Variants in THSD7A observed in about 807,000 individuals in gnomAD.
The protein encoded by THSD7A is thrombospondin type-1 domain-containing protein 7A.
Under a neutral mutation model 231.3 loss-of-function variants are expected in THSD7A, and 96 were observed. That is an observed-to-expected ratio of 0.41 (90% CI 0.35 to 0.49). The LOEUF (loss-of-function observed/expected upper bound fraction) is 0.49, where lower values mean the gene tolerates loss of function less well. Ranked by LOEUF, THSD7A falls within the 20% of genes least tolerant of loss-of-function variation. The pLI is 0.05. For missense variants in THSD7A, 2,290 were observed against 2,070.2 expected (o/e 1.11, Z -2.06); for synonymous variants, 940 against 743.3 (o/e 1.26, Z -4.30).
intron 6 of THSD7A, among the ~76,000 whole-genome samples, chr7:11,497,653 T>C (rs915958469): frequency 2.0e-5 from 3 of 152,182 alleles, no homozygotes; most frequent in Non-Finnish European, 2.9e-5. Flanking sequence ...GAATAACTGT[T>C]GACTAGTAGC....
intron 4 of THSD7A, among the ~76,000 whole-genome samples, chr7:11,561,112 C>T (rs1196506252): frequency 1.3e-5 from 2 of 152,136 alleles, no homozygotes; most frequent in Non-Finnish European, 2.9e-5. Flanking sequence ...AGCAGTCTGG[C>T]TCCATAGTCT....
chr7:11,566,541 A>C (rs994389549), intron 4 of THSD7A, among the ~76,000 whole-genome samples: 2 of 152,220 alleles, frequency 1.3e-5, no homozygotes, highest in African/African-American at 4.8e-5. Context: ...GTACCATGGT[A>C]CTACATGCAT....
At chr7:11,735,472 C>G (rs1781884561) in intron 1 of THSD7A, among the ~76,000 whole-genome samples, 1 of 151,834 alleles carries the variant, frequency 6.6e-6, no homozygotes, top group Admixed American at 6.6e-5. Flanking sequence ...ATAAAATTAC[C>G]TTCAGGCTAT....
chr7:11,402,964 T>C (rs1244400017), intron 22 of THSD7A, among the ~76,000 whole-genome samples: 2 of 152,202 alleles, frequency 1.3e-5, no homozygotes, highest in Admixed American at 1.3e-4. Flanking sequence ...CTGTTGGGTA[T>C]GTACCTAGGA....
At chr7:11,376,783 T>C in intron 26 of THSD7A, 126 bp from the exon 27 acceptor site, 1 of 539,542 alleles carries the variant, frequency 1.9e-6, no homozygotes, top group Non-Finnish European at 3.2e-6. Flanking sequence ...AATTATTGCT[T>C]CAGCACAGTT....
At chr7:11,783,656 T>C (rs1783700307) in intron 1 of THSD7A, among the ~76,000 whole-genome samples, 2 of 152,074 alleles carry the variant, frequency 1.3e-5, no homozygotes, top group African/African-American at 4.8e-5. Flanking sequence ...CTCAGGTAAA[T>C]ATAGATTTGG....
chr7:11,639,090 C>T (rs2128362239), intron 1 of THSD7A, among the ~76,000 whole-genome samples: 1 of 152,204 alleles, frequency 6.6e-6, no homozygotes, highest in East Asian at 1.9e-4. Flanking sequence ...TTATATCAGA[C>T]TCTCAAATTA....
Position 11,781,035 on chromosome 7 carries a change from A to T in THSD7A, c.190+50722T>A, listed in dbSNP as rs867320880. On this transcript the variant is annotated intron_variant, in intron 1 of 27. Coordinates refer to ENST00000423059, the MANE Select transcript of THSD7A (RefSeq NM_015204.3). ...AAAAAAAAAAAAAAAAAAAAAAAAA[A>T]AAATTTATAGGGAGAATTATGAAGC... 6.2e-3 allele frequency among the ~76,000 whole-genome samples: 831 copies of T among 133,724 alleles called. 2 individuals are homozygous for T. Among genetic ancestry groups the T allele is most frequent in the Middle Eastern group, 0.034 (8 of 236 alleles). The allele number at this position is 133,724 out of a possible 152,430, so 87.7% of individuals were successfully genotyped here.
intron 10 of THSD7A, among the ~76,000 whole-genome samples, chr7:11,461,279 T>C (rs1785496138): frequency 6.6e-6 from 1 of 152,322 alleles, no homozygotes; most frequent in East Asian, 1.9e-4. Context: ...AAGTATACAA[T>C]TATAGTATTT....
chr7:11,390,632 T>TGCTGGTGA (rs1404946432), intron 23 of THSD7A, among the ~76,000 whole-genome samples: 3 of 152,246 alleles, frequency 2.0e-5, no homozygotes, highest in Non-Finnish European at 4.4e-5. Context: ...TTTGTTCCCT[T>TGCTGGTGA]GCTGGTGAGG....
At chr7:11,778,083 G>C (rs1010363959) in intron 1 of THSD7A, among the ~76,000 whole-genome samples, 2 of 144,916 alleles carry the variant, frequency 1.4e-5, no homozygotes, top group Non-Finnish European at 3.0e-5. Flanking sequence ...CGTGAACCCG[G>C]GAGGCGGAGC....
chr7:11,651,838 T>G (rs1782519258), intron 1 of THSD7A, among the ~76,000 whole-genome samples: 1 of 151,978 alleles, frequency 6.6e-6, no homozygotes, highest in South Asian at 2.1e-4. Context: ...AATTGGTGGT[T>G]GTTACTAGAA....
chr7:11,714,305 C>G (rs370494746), intron 1 of THSD7A, among the ~76,000 whole-genome samples: 1 of 151,178 alleles, frequency 6.6e-6, no homozygotes, highest in African/African-American at 2.4e-5. Context: ...AACCCTATGA[C>G]ATGTGTATTT....
chr7:11,675,575 G>A (rs192911588), intron 1 of THSD7A, among the ~76,000 whole-genome samples: 1 of 152,250 alleles, frequency 6.6e-6, no homozygotes, highest in East Asian at 1.9e-4. Context: ...CCAGCTTGGT[G>A]GGGGAAGGGG....
intron 1 of THSD7A, among the ~76,000 whole-genome samples, chr7:11,672,809 T>TC (rs1176628289): frequency 2.0e-5 from 3 of 152,200 alleles, no homozygotes; most frequent in Non-Finnish European, 4.4e-5. Context: ...AATCTTTTTT[T>TC]CAAAATCTAT....
At chr7:11,799,507 A>G (rs886198610) in intron 1 of THSD7A, among the ~76,000 whole-genome samples, 5 of 152,196 alleles carry the variant, frequency 3.3e-5, no homozygotes, top group Admixed American at 2.6e-4. Context: ...ATGTATAACA[A>G]GAATAAAAAT....
At chr7:11,383,116 CTTTTAA>C (rs1782588841) in intron 23 of THSD7A, among the ~76,000 whole-genome samples, 1 of 151,766 alleles carries the variant, frequency 6.6e-6, no homozygotes, top group Non-Finnish European at 1.5e-5. Context: ...CTTTGCCATG[CTTTTAA>C]TTTTTTCACT....
At chr7:11,598,374 G>A (rs1432179264) in intron 2 of THSD7A, among the ~76,000 whole-genome samples, 1 of 152,228 alleles carries the variant, frequency 6.6e-6, no homozygotes, top group Non-Finnish European at 1.5e-5. Context: ...TAATAATCAA[G>A]TGGATAGGAT....
intron 6 of THSD7A, among the ~76,000 whole-genome samples, chr7:11,511,706 G>C (rs1358091114): frequency 6.6e-6 from 1 of 152,182 alleles, no homozygotes; most frequent in Non-Finnish European, 1.5e-5. Context: ...TTTAATAAAT[G>C]GTGCTGGGAA....
Sources: allele counts gnomAD v4.1 joint callset (sites outside exome capture counted in the v4.1 genomes callset), GRCh38; gene constraint gnomAD v4.1.1; transcripts MANE v1.5; gene names NCBI Gene and HGNC (gene_info 2026-07-23, HGNC 2026-07-21).